Variants in SRP72 observed in about 807,000 individuals in gnomAD.
SRP72 encodes signal recognition particle 72.
SRP72 carries 49 observed loss-of-function variants against 96.3 expected under a neutral mutation model. That is an observed-to-expected ratio of 0.51 (90% CI 0.40 to 0.65). The LOEUF is 0.65. Among genes scored for constraint, SRP72 ranks in the 30% least tolerant of loss-of-function variants. SRP72 has a pLI of 0.00. For missense variants in SRP72, 736 were observed against 793.3 expected (o/e 0.93, Z 0.87); for synonymous variants, 267 against 275.2 (o/e 0.97, Z 0.30).
At chr4:56,468,092 A>G (rs990253806) in intron 1 of SRP72, among the ~76,000 whole-genome samples, 1 of 152,204 alleles carries the variant, frequency 6.6e-6, no homozygotes, top group African/African-American at 2.4e-5. Context: ...AAATATTCCA[A>G]AGTGCCTCCT....
At chr4:56,472,186 G>A (rs1286309694) in intron 3 of SRP72, among the ~76,000 whole-genome samples, 1 of 152,114 alleles carries the variant, frequency 6.6e-6, no homozygotes, top group Non-Finnish European at 1.5e-5. Context: ...CTCTAAGGAT[G>A]TCATGATAGA....
chr4:56,478,154 CTTTTTTT>C (rs796835545), intron 6 of SRP72, among the ~76,000 whole-genome samples: 1 of 115,782 alleles, frequency 8.6e-6, no homozygotes, highest in Non-Finnish European at 1.9e-5. Context: ...TTTGCCTTTT[CTTTTTTT>C]TTTTTTTTTC....
chr4:56,473,960 A>G (rs1578177000), intron 3 of SRP72, 94 bp from the exon 4 acceptor site: 2 of 1,251,010 alleles, frequency 1.6e-6, no homozygotes, highest in Non-Finnish European at 2.2e-6. Flanking sequence ...CTGAACTAGG[A>G]TTCCTACTTA....
intron 5 of SRP72, 38 bp downstream of exon 5, chr4:56,474,429 GC>G: frequency 6.5e-7 from 1 of 1,539,066 alleles, no homozygotes; most frequent in Non-Finnish European, 8.9e-7. Flanking sequence ...AATATAACGT[GC>G]ATATAACTTT....
chr4:56,472,651 C>T (rs1720023977), intron 3 of SRP72, among the ~76,000 whole-genome samples: 2 of 152,002 alleles, frequency 1.3e-5, no homozygotes, highest in South Asian at 4.1e-4. Flanking sequence ...CTGGCCTCCT[C>T]TTAAAGACTT....
At chr4:56,496,913 C>T (rs768552716) in intron 17 of SRP72, among the ~76,000 whole-genome samples, 13 of 151,998 alleles carry the variant, frequency 8.6e-5, no homozygotes, top group African/African-American at 1.7e-4. Flanking sequence ...CGCCTGAACC[C>T]GGGAGGCCAA....
At chr4:56,467,769 G>T in intron 1 of SRP72, 25 bp downstream of exon 1, 1 of 1,416,116 alleles carries the variant, frequency 7.1e-7, no homozygotes, top group Non-Finnish European at 9.4e-7. Flanking sequence ...GGGCACTGGG[G>T]CGGGCCCAGG....
Position 56,502,987 on chromosome 4 carries a change from T to G in SRP72, c.*1126T>G, listed in dbSNP as rs1721320461. The G allele has an allele frequency of 6.6e-6, 1 of 152,228 alleles. No homozygotes were observed. Among genetic ancestry groups the G allele is most frequent in the South Asian group, 2.1e-4 (1 of 4,828 alleles). 9.4% of individuals were successfully genotyped at this position (152,228 alleles called of 1,614,324 possible). On this transcript the variant is annotated 3_prime_UTR_variant, in exon 19 of 19. Transcript: ENST00000642900. The stretch of plus-strand genomic sequence containing the variant: ...TTGAGATGCCTGCCCTTGTTAGTAT[T>G]CATTTTATGCTGCCCAAGATATCAT...
chr4:56,481,294 G>T (rs548413889), intron 8 of SRP72, among the ~76,000 whole-genome samples: 3 of 152,236 alleles, frequency 2.0e-5, no homozygotes, highest in East Asian at 1.9e-4. Flanking sequence ...AAGCACAGTG[G>T]TATCATGTAT....
At chr4:56,470,987 A>T (rs569764819) in intron 2 of SRP72, among the ~76,000 whole-genome samples, 167 of 152,230 alleles carry the variant, frequency 1.1e-3, no homozygotes, top group African/African-American at 3.9e-3. Context: ...ATTTTAGTAG[A>T]GACAGGGTTT....
intron 5 of SRP72, chr4:56,475,905 A>G (rs1254673710): frequency 2.6e-5 from 4 of 152,230 alleles, no homozygotes; most frequent in Admixed American, 1.3e-4. Context: ...AGAAATTTAG[A>G]AACAGCATAA....
In SRP72 at chr4:56,490,427, A is replaced by C; in HGVS notation, c.1415A>C (p.Gln472Pro). ...AAGGAGGCAATTAGTGACCTACAAC[A>C]GCTGTGGAAGTAAGCTCTGAAACGT... ...RKKEAISDLQ[Q>P]LWKQNPKDIH... The change falls in exon 14 of 19, where the codon CAG (glutamine) becomes CCG (proline). Residue 472 changes from glutamine to proline, a missense_variant. Gln to Pro is a moderately conservative substitution (Grantham distance 76). Coordinates refer to ENST00000642900, the MANE Select transcript of SRP72 (RefSeq NM_006947.4). 1 of 1,613,632 alleles carries C rather than the reference A, an allele frequency of 6.2e-7. No homozygotes were observed. The highest frequency in any genetic ancestry group is 1.1e-5 in the South Asian group (1 of 90,892).
intron 8 of SRP72, among the ~76,000 whole-genome samples, chr4:56,482,786 A>C (rs1363480237): frequency 6.6e-6 from 1 of 152,212 alleles, no homozygotes; most frequent in Non-Finnish European, 1.5e-5. Context: ...CAAAACAAGC[A>C]ATTAATAGTG....
At chr4:56,475,387 G>C (rs1159073369) in intron 5 of SRP72, among the ~76,000 whole-genome samples, 1 of 137,658 alleles carries the variant, frequency 7.3e-6, no homozygotes, top group Non-Finnish European at 1.5e-5. Flanking sequence ...GTAAGCCTTC[G>C]TTTTTACAAA....
Position 56,491,317 on chromosome 4 carries a change from G to T in SRP72, c.1503-114G>T, listed in dbSNP as rs189568952. 160 of 1,268,392 alleles carry T rather than the reference G, an allele frequency of 1.3e-4. No individual in the cohort carries two copies. The African/African-American group carries it at 2.1e-3, about 17-fold the overall frequency. The allele number at this position is 1,268,392 out of a possible 1,614,324, so 78.6% of individuals were successfully genotyped here. On this transcript the variant is annotated intron_variant, in intron 15 of 18. Coordinates refer to ENST00000642900, the MANE Select transcript of SRP72 (RefSeq NM_006947.4). ...GGAACATTTTTTGCTTTTGTTGAAGGTCATCAAGAAAAGACAGTCTTCCAG... is the reference window on the plus strand; with the variant it reads ...GGAACATTTTTTGCTTTTGTTGAAGTTCATCAAGAAAAGACAGTCTTCCAG...
chr4:56,468,706 T>G (rs984040969), intron 1 of SRP72, among the ~76,000 whole-genome samples: 1 of 152,216 alleles, frequency 6.6e-6, no homozygotes, highest in Non-Finnish European at 1.5e-5. Context: ...CAGTGCACTT[T>G]TGGTGATTTC....
chr4:56,500,949 A>G (rs983651936), intron 18 of SRP72, among the ~76,000 whole-genome samples: 4 of 148,550 alleles, frequency 2.7e-5, no homozygotes, highest in East Asian at 2.1e-4. Context: ...TGAAATATAT[A>G]TAGTAAAAAC....
In SRP72 at chr4:56,483,130, CT is replaced by C; in HGVS notation, c.826-6del. On this transcript the variant is annotated splice_polypyrimidine_tract_variant and splice_region_variant and intron_variant, in intron 8 of 18. Coordinates refer to ENST00000642900, the MANE Select transcript of SRP72 (RefSeq NM_006947.4). ...TTCTGTTAATGATAGATAAACTTTT[CT>C]TTGTTAGGACCAAAATGTCTTTGAC... 6.2e-7 allele frequency: 1 copy of C among 1,605,654 alleles called. No homozygotes were observed. The highest frequency in any genetic ancestry group is 8.5e-7 in the Non-Finnish European group (1 of 1,177,724).
At chr4:56,482,171 G>A (rs1316774820) in intron 8 of SRP72, among the ~76,000 whole-genome samples, 2 of 150,732 alleles carry the variant, frequency 1.3e-5, no homozygotes, top group Non-Finnish European at 3.0e-5. Context: ...GCCGGGCACA[G>A]TGGCTCACGC....
Sources: gnomAD v4.1 joint callset for allele counts (sites outside exome capture counted in the v4.1 genomes callset) on GRCh38, gnomAD v4.1.1 for gene constraint, MANE v1.5 for transcripts, NCBI Gene and HGNC (gene_info 2026-07-23, HGNC 2026-07-21) for gene names.